Variants in REM2 observed in about 807,000 individuals in gnomAD.
REM2 encodes the protein GTP-binding protein REM 2.
A neutral mutation model predicts 24.4 loss-of-function variants in REM2; 24 were observed. The ratio of observed to expected loss-of-function variants is 0.98; its 90% CI spans 0.71 to 1.38. REM2 has a LOEUF of 1.38. REM2 is among the 40% of genes most tolerant of loss of function. The pLI is 0.00. For missense variants in REM2, 429 were observed against 467.8 expected (o/e 0.92, Z 0.77); for synonymous variants, 187 against 198.0 (o/e 0.94, Z 0.47).
rs2040136753 is a variant in REM2 at position 22,886,960 on chromosome 14, TCGCCCCCCCTCGCCCCGCCC to T, written c.*59_*78del. On this transcript the variant is annotated 3_prime_UTR_variant, in exon 5 of 5. Coordinates refer to ENST00000267396, the MANE Select transcript of REM2 (RefSeq NM_173527.3). This position sits in a 1 kb window ranked among gnomAD's most constrained non-coding sequence, Gnocchi z 5.9. ...TCGCCATGGTCACCGCGCCCTCCGC[TCGCCCCCCCTCGCCCCGCCC>T]CGCCCCCGTCCGGCTTCCTTGGTGG... 1 of 1,290,474 alleles carries T rather than the reference TCGCCCCCCCTCGCCCCGCCC, an allele frequency of 7.7e-7. No homozygotes were observed. Among genetic ancestry groups the T allele is most frequent in the Admixed American group, 3.6e-5 (1 of 27,796 alleles). The allele number at this position is 1,290,474 out of a possible 1,614,324, so 79.9% of individuals were successfully genotyped here. A position where few individuals can be genotyped will look rare whatever the true frequency, so the allele number is the denominator to read the frequency against.
Position 22,887,430 on chromosome 14 carries a change from T to G in REM2, c.*521T>G, listed in dbSNP as rs1422669513. On this transcript the variant is annotated 3_prime_UTR_variant, in exon 5 of 5. Transcript: ENST00000267396. Reference sequence around the variant, plus strand: ...CGAAAACGTTCTGGCTCTCATCTGGTGCGGCATGTGTCCACTTTGCCTTTA... The same window carrying G: ...CGAAAACGTTCTGGCTCTCATCTGGGGCGGCATGTGTCCACTTTGCCTTTA... 2 of 152,084 alleles carry G rather than the reference T, an allele frequency of 1.3e-5. No individual in the cohort carries two copies. Among genetic ancestry groups the G allele is most frequent in the Non-Finnish European group, 2.9e-5 (2 of 68,034 alleles). The allele number at this position is 152,084 out of a possible 1,614,324, so 9.4% of individuals were successfully genotyped here.
rs773368193 is a variant in REM2, at chr14:22,884,727, C to T, written c.157C>T (p.Arg53Trp). 1.7e-5 allele frequency: 27 copies of T among 1,613,336 alleles called. 1 individual carries two copies. The highest frequency in any genetic ancestry group is 5.5e-5 in the South Asian group (5 of 91,026). ...KSEKLLAELD[R>W]SGLPSAPGAP... ...AGAGAAACTGTTGGCAGAGTTGGAC[C>T]GGAGCGGGTTACCCTCTGCCCCTGG... The change falls in exon 2 of 5, where the codon CGG becomes TGG. Residue 53 changes from arginine (R) to tryptophan (W), a missense_variant. Physicochemically the swap from Arg to Trp is moderately radical, Grantham distance 101. Transcript: ENST00000267396.
chr14:22,884,140 CTTT>C, intron 1 of REM2: 1 of 985,356 alleles, frequency 1.0e-6, no homozygotes, highest in Non-Finnish European at 1.2e-6. Flanking sequence ...AGCAAAGGCC[CTTT>C]CCTAGGAAGA....
At position 22,886,502 on chromosome 14, in the gene REM2, AG is replaced by A; in HGVS notation, c.728-111del. 9.8e-7 allele frequency: 1 copy of A among 1,023,214 alleles called. No homozygotes were observed. Among genetic ancestry groups the A allele is most frequent in the Non-Finnish European group, 1.4e-6 (1 of 722,304 alleles). 63.4% of individuals were successfully genotyped at this position (1,023,214 alleles called of 1,614,324 possible). On this transcript the variant is annotated intron_variant, in intron 4 of 4. Transcript: ENST00000267396. The surrounding 1 kb of genome is among the most constrained non-coding windows in gnomAD (Gnocchi z 5.9). Reference sequence around the variant, plus strand: ...GCTCAGCCATGTTCTCTCGGTTGCAAGATTCACTAGTACCAATCCCTTGCCA... The same window carrying A: ...GCTCAGCCATGTTCTCTCGGTTGCAAATTCACTAGTACCAATCCCTTGCCA...
chr14:22,884,220 G>A lies in REM2; in HGVS notation c.104-454G>A, dbSNP rs1028364537. The A allele has an allele frequency of 8.1e-6, 8 of 985,286 alleles. No individual in the cohort carries two copies. The African/African-American group carries it at 1.4e-4, about 17-fold the overall frequency. 61.0% of individuals were successfully genotyped at this position (985,286 alleles called of 1,614,324 possible). ...AGACACTGGGCAGCAGTTTCAGCTT[G>A]TCATCCTCTCTGCTCCTCAGTTTGG... On this transcript the variant is annotated intron_variant, in intron 1 of 4. Transcript: ENST00000267396.
chr14:22,886,727 C>A lies in REM2; in HGVS notation c.841C>A (p.Arg281=). The change falls in exon 5 of 5, where the codon CGG becomes AGG. Residue 281 remains arginine, a synonymous_variant. Transcript: ENST00000267396. The surrounding 1 kb of genome is among the most constrained non-coding windows in gnomAD (Gnocchi z 5.9). ...CGCGGTGCGCCAGATCCGGCTGCGG[C>A]GGGGCCGAAACCACGCCGGAGGCCA... ...EGAVRQIRLR[R]GRNHAGGQRP... is the part of the protein sequence containing the mutation. 2.0e-6 allele frequency: 3 copies of A among 1,519,516 alleles called. No homozygotes were observed. Among genetic ancestry groups the A allele is most frequent in the South Asian group, 1.2e-5 (1 of 81,774 alleles). 94.1% of individuals were successfully genotyped at this position (1,519,516 alleles called of 1,614,324 possible).
Position 22,887,057 on chromosome 14 carries a change from G to C in REM2, c.*148G>C. ...CAGGATGCCCCGGTGTGACCGCCGG[G>C]GGCGGCCCGGGGCCGCTCGGCGGCA... On this transcript the variant is annotated 3_prime_UTR_variant, in exon 5 of 5. Transcript: ENST00000267396. The C allele has an allele frequency of 1.6e-6, 1 of 618,988 alleles. No individual in the cohort carries two copies. The highest frequency in any genetic ancestry group is 2.5e-6 in the Non-Finnish European group (1 of 399,674). 38.3% of individuals were successfully genotyped at this position (618,988 alleles called of 1,614,324 possible). A position where few individuals can be genotyped will look rare whatever the true frequency, so the allele number is the denominator to read the frequency against.
chr14:22,886,371 A>G lies in REM2; in HGVS notation c.727+140A>G. On this transcript the variant is annotated intron_variant, in intron 4 of 4. Transcript: ENST00000267396. The surrounding 1 kb of genome is among the most constrained non-coding windows in gnomAD (Gnocchi z 5.9). ...GACCCAGGCTAGGGGGACACTCCCA[A>G]TGCCCCACTCGAGGATCCTGAGAAT... 1.2e-6 allele frequency: 1 copy of G among 812,962 alleles called. No individual in the cohort carries two copies. Among genetic ancestry groups the G allele is most frequent in the Non-Finnish European group, 2.0e-6 (1 of 500,578 alleles). The allele number at this position is 812,962 out of a possible 1,614,324, so 50.4% of individuals were successfully genotyped here. A position where few individuals can be genotyped will look rare whatever the true frequency, so the allele number is the denominator to read the frequency against.
intron 1 of REM2, 85 bp from the exon 2 acceptor site, chr14:22,884,589 G>A: frequency 6.8e-7 from 1 of 1,478,464 alleles, no homozygotes; most frequent in Non-Finnish European, 9.0e-7. Context: ...TCTGATACTG[G>A]AACAGCCTGG....
At position 22,884,881 on chromosome 14, in the gene REM2, G is replaced by A; in HGVS notation, c.311G>A (p.Gly104Glu). 1.2e-6 allele frequency: 2 copies of A among 1,613,698 alleles called. No homozygotes were observed. Among genetic ancestry groups the A allele is most frequent in the Non-Finnish European group, 1.7e-6 (2 of 1,179,682 alleles). ...GGCTCGTCTGACTCCTTGGGCTCAG[G>A]GGAGGCAGCCCCTGCTCAAAAGGAT... ...SSGSSDSLGS[G>E]EAAPAQKDGI... The change falls in exon 2 of 5, where the codon GGG becomes GAG. Residue 104 changes from glycine to glutamate, a missense_variant. Coordinates refer to ENST00000267396, the MANE Select transcript of REM2 (RefSeq NM_173527.3).
Position 22,886,642 on chromosome 14 carries a change from C to A in REM2, c.756C>A (p.Ser252Arg). Residue 252 changes from serine to arginine, a missense_variant, in exon 5 of 5, where the codon AGC (serine) becomes AGA (arginine). By Grantham distance (110) the Ser-to-Arg change is moderately radical (BLOSUM62 -1). Transcript: ENST00000267396. This position sits in a 1 kb window ranked among gnomAD's most constrained non-coding sequence, Gnocchi z 5.9. ...EEGRHLAGTL[S>R]CKHIETSAAL... The stretch of plus-strand genomic sequence containing the variant: ...GCCGCCACCTGGCCGGGACGCTGAG[C>A]TGCAAGCACATCGAGACGTCGGCCG... 6.9e-7 allele frequency: 1 copy of A among 1,459,426 alleles called. No individual in the cohort carries two copies. Among genetic ancestry groups the A allele is most frequent in the Non-Finnish European group, 9.0e-7 (1 of 1,105,090 alleles). 90.4% of individuals were successfully genotyped at this position (1,459,426 alleles called of 1,614,324 possible). A position where few individuals can be genotyped will look rare whatever the true frequency, so the allele number is the denominator to read the frequency against.
chr14:22,886,672 GCAC>G lies in REM2; in HGVS notation c.790_792del (p.His264del). 1 of 1,481,148 alleles carries G rather than the reference GCAC, an allele frequency of 6.8e-7. No homozygotes were observed. The highest frequency in any genetic ancestry group is 9.0e-7 in the Non-Finnish European group (1 of 1,116,578). 91.8% of individuals were successfully genotyped at this position (1,481,148 alleles called of 1,614,324 possible). A position where few individuals can be genotyped will look rare whatever the true frequency, so the allele number is the denominator to read the frequency against. On this transcript the variant is annotated inframe_deletion, in exon 5 of 5. Coordinates refer to ENST00000267396, the MANE Select transcript of REM2 (RefSeq NM_173527.3). The surrounding 1 kb of genome is among the most constrained non-coding windows in gnomAD (Gnocchi z 5.9). Reference sequence around the variant, plus strand: ...AGCACATCGAGACGTCGGCCGCACTGCACCACAACACGAGGGAGCTCTTCGAGG... The same window carrying G: ...AGCACATCGAGACGTCGGCCGCACTGCACAACACGAGGGAGCTCTTCGAGG...
rs751599627 is a variant in REM2 at position 22,885,979 on chromosome 14, G to A, written c.520-45G>A. 5 of 1,513,064 alleles carry A rather than the reference G, an allele frequency of 3.3e-6. No individual in the cohort carries two copies. In the East Asian group the frequency reaches 6.8e-5, roughly 20 times the overall value. 93.7% of individuals were successfully genotyped at this position (1,513,064 alleles called of 1,614,324 possible). ...TCTTTGAGGTGTAGGTGCTGGACAG[G>A]ATCTCCTATGCCTCCAGCCCTAACG... On this transcript the variant is annotated intron_variant, in intron 3 of 4. Coordinates refer to ENST00000267396, the MANE Select transcript of REM2 (RefSeq NM_173527.3).
At position 22,887,068 on chromosome 14, in the gene REM2, G is replaced by C. The variant is rs1451028909; in HGVS notation, c.*159G>C. The C allele has an allele frequency of 3.5e-6, 2 of 571,950 alleles. No homozygotes were observed. The highest frequency in any genetic ancestry group is 5.6e-6 in the Non-Finnish European group (2 of 358,660). 35.4% of individuals were successfully genotyped at this position (571,950 alleles called of 1,614,324 possible). On this transcript the variant is annotated 3_prime_UTR_variant, in exon 5 of 5. Transcript: ENST00000267396. The stretch of plus-strand genomic sequence containing the variant: ...GGTGTGACCGCCGGGGGCGGCCCGG[G>C]GCCGCTCGGCGGCACCTCCACACCC...
At chr14:22,884,101 A>G (rs2040097105) in intron 1 of REM2, 1 of 985,238 alleles carries the variant, frequency 1.0e-6, no homozygotes, top group African/African-American at 1.7e-5. Flanking sequence ...GAGAACCCAC[A>G]GAGACCCAGC....
chr14:22,885,347 C>G lies in REM2; in HGVS notation c.519+8C>G. 1 of 1,607,426 alleles carries G rather than the reference C, an allele frequency of 6.2e-7. No homozygotes were observed. Among genetic ancestry groups the G allele is most frequent in the Non-Finnish European group, 8.5e-7 (1 of 1,173,942 alleles). On this transcript the variant is annotated splice_region_variant and intron_variant, in intron 3 of 4. Coordinates refer to ENST00000267396, the MANE Select transcript of REM2 (RefSeq NM_173527.3). ...TATGACATCTGGGAACAGGTGAGAACTAAGATGTGGCTGCAGGCAGGTGAT... is the reference window on the plus strand; with the variant it reads ...TATGACATCTGGGAACAGGTGAGAAGTAAGATGTGGCTGCAGGCAGGTGAT...
rs1375793198 is a variant in REM2 at position 22,884,976 on chromosome 14, G to A, written c.406G>A (p.Gly136Ser). 2 of 1,561,932 alleles carry A rather than the reference G, an allele frequency of 1.3e-6. No individual in the cohort carries two copies. The highest frequency in any genetic ancestry group is 3.7e-5 in the Admixed American group (2 of 53,828). ...GKSTLAGTFG[G>S]LQGDSAHEPE... The stretch of plus-strand genomic sequence containing the variant: ...GAGCACCCTAGCAGGCACTTTTGGT[G>A]GTCTCCAGGGAGACAGTGCTCACGA... The change falls in exon 2 of 5, where the codon GGT (glycine) becomes AGT (serine). Residue 136 changes from glycine (G) to serine (S), a missense_variant. Coordinates refer to ENST00000267396, the MANE Select transcript of REM2 (RefSeq NM_173527.3).
Position 22,887,193 on chromosome 14 carries a change from G to A in REM2, c.*284G>A, listed in dbSNP as rs972352431. The A allele has an allele frequency of 5.4e-6, 2 of 369,750 alleles. No homozygotes were observed. The highest frequency in any genetic ancestry group is 8.0e-5 in the East Asian group (2 of 24,876). The allele number at this position is 369,750 out of a possible 1,614,324, so 22.9% of individuals were successfully genotyped here. A position where few individuals can be genotyped will look rare whatever the true frequency, so the allele number is the denominator to read the frequency against. On this transcript the variant is annotated 3_prime_UTR_variant, in exon 5 of 5. Coordinates refer to ENST00000267396, the MANE Select transcript of REM2 (RefSeq NM_173527.3). ...TGAGCGGGGCGGGTTCTGCTGGGTC[G>A]GGAAGAAAAATAATTCTGCAAGGTA...
chr14:22,885,243 A>G (rs1315349057), intron 2 of REM2, 23 bp from the exon 3 acceptor site: 13 of 1,604,286 alleles, frequency 8.1e-6, no homozygotes, highest in Non-Finnish European at 1.0e-5. Flanking sequence ...TGGACTTTAT[A>G]CCCTCTCCCT....
Sources: allele counts gnomAD v4.1 joint callset, GRCh38; gene constraint gnomAD v4.1.1; non-coding constraint Gnocchi (gnomAD v3.1); transcripts MANE v1.5; gene names NCBI Gene and HGNC (gene_info 2026-07-23, HGNC 2026-07-21).